FAM107B: variants seen among roughly 807,000 people sequenced by gnomAD.
FAM107B encodes family with sequence similarity 107 member B, also known as protein FAM107B.
FAM107B carries 21 observed loss-of-function variants against 31.5 expected under a neutral mutation model. That is an observed-to-expected ratio of 0.67 (90% CI 0.47 to 0.96). The LOEUF is 0.96. Ranked by LOEUF, FAM107B falls within the 40% of genes least tolerant of loss-of-function variation. FAM107B has a pLI of 0.00. For synonymous variants in FAM107B, 157 were observed against 141.5 expected, an observed-to-expected ratio of 1.11 and a Z score of -0.78; for missense variants, 452 against 377.1, an observed-to-expected ratio of 1.20 and a Z score of -1.64.
Position 14,734,386 on chromosome 10 carries a change from C to T in FAM107B, c.411+39867G>A, listed in dbSNP as rs1458013971. Among the ~76,000 whole-genome samples the T allele has an allele frequency of 2.0e-5, 3 of 152,122 alleles. No homozygotes were observed. In the East Asian group the frequency reaches 5.8e-4, roughly 29 times the overall value. On this transcript the variant is annotated intron_variant, in intron 1 of 4. Transcript: ENST00000181796. ...GAAGCATTTACTAAATCAAGCTTGT[C>T]CAACCTGCAGCCCACAGACCACATG...
intron 2 of FAM107B, among the ~76,000 whole-genome samples, chr10:14,563,349 A>G (rs1404841244): frequency 6.6e-6 from 1 of 152,256 alleles, no homozygotes; most frequent in Admixed American, 6.5e-5. Context: ...ATCATTTAAA[A>G]TATTTATATT....
intron 2 of FAM107B, among the ~76,000 whole-genome samples, chr10:14,593,901 A>T (rs1852096775): frequency 6.6e-6 from 1 of 152,202 alleles, no homozygotes; most frequent in South Asian, 2.1e-4. Context: ...TTAGATATAG[A>T]ACTGTTCGAG....
At chr10:14,667,301 T>C (rs1854427108) in intron 2 of FAM107B, among the ~76,000 whole-genome samples, 1 of 152,234 alleles carries the variant, frequency 6.6e-6, no homozygotes, top group African/African-American at 2.4e-5. Context: ...ATCATAAATA[T>C]TTCAGTAAAT....
At chr10:14,591,523 T>C (rs1384605788) in intron 2 of FAM107B, among the ~76,000 whole-genome samples, 1 of 152,178 alleles carries the variant, frequency 6.6e-6, no homozygotes, top group Non-Finnish European at 1.5e-5. Context: ...AGTTTAAATC[T>C]CATCTCATGC....
chr10:14,759,352 A>G (rs1192753577), intron 1 of FAM107B, among the ~76,000 whole-genome samples: 1 of 152,228 alleles, frequency 6.6e-6, no homozygotes, highest in East Asian at 1.9e-4. Flanking sequence ...TCATTTCAAC[A>G]CTGTCTGCTC....
At chr10:14,767,053 TATAGAGAGAGAGAGAG>T (rs1304992134) in intron 1 of FAM107B, among the ~76,000 whole-genome samples, 26 of 26,392 alleles carry the variant, frequency 9.9e-4, no homozygotes, top group African/African-American at 3.2e-3. Context: ...TATATATATA[TATAGAGAGAGAGAGAG>T]AGAGAGAGAG....
At chr10:14,663,666 G>C (rs925533005) in intron 2 of FAM107B, among the ~76,000 whole-genome samples, 1 of 152,014 alleles carries the variant, frequency 6.6e-6, no homozygotes, top group African/African-American at 2.4e-5. Context: ...ACCTGATTCC[G>C]GGAAAGGCAC....
chr10:14,743,075 G>A (rs1227950590), intron 1 of FAM107B, among the ~76,000 whole-genome samples: 1 of 152,152 alleles, frequency 6.6e-6, no homozygotes, highest in African/African-American at 2.4e-5. Flanking sequence ...ACTGGCATTA[G>A]ATGGTCTCTC....
intron 1 of FAM107B, among the ~76,000 whole-genome samples, chr10:14,710,914 G>T (rs1021505750): frequency 7.4e-5 from 11 of 147,656 alleles, no homozygotes; most frequent in Admixed American, 2.7e-4. Flanking sequence ...TATTATTAAA[G>T]AAATAATTTT....
chr10:14,774,507 G>A lies in FAM107B; in HGVS notation c.157C>T (p.Arg53Cys), dbSNP rs747993027. 4 of 1,614,200 alleles carry A rather than the reference G, an allele frequency of 2.5e-6. No homozygotes were observed. The change falls in exon 1 of 5, where the codon CGT (arginine) becomes TGT (cysteine). Residue 53 changes from arginine (R) to cysteine (C), a missense_variant. Transcript: ENST00000181796. ...SGVADTHSTV[R>C]VQPVAKAGRQ... The stretch of plus-strand genomic sequence containing the variant: ...CCTGCTTTGGCCACAGGCTGCACAC[G>A]GACGGTGGAATGAGTATCAGCCACG...
intron 1 of FAM107B, among the ~76,000 whole-genome samples, chr10:14,682,411 C>A (rs990150573): frequency 6.6e-6 from 1 of 152,284 alleles, no homozygotes; most frequent in South Asian, 2.1e-4. Flanking sequence ...CGCCTGTAGT[C>A]CCAGCTACTC....
intron 1 of FAM107B, among the ~76,000 whole-genome samples, chr10:14,734,488 G>GTTTTTTTTTTTTTTTTT (rs74521923): frequency 7.2e-6 from 1 of 138,546 alleles, no homozygotes. Context: ...TTTTTGTGAG[G>GTTTTTTTTTTTTTTTTT]TTTTTTTTTT....
At chr10:14,721,853 G>A (rs1855919565) in intron 1 of FAM107B, among the ~76,000 whole-genome samples, 1 of 152,122 alleles carries the variant, frequency 6.6e-6, no homozygotes, top group African/African-American at 2.4e-5. Flanking sequence ...AGTTTAATTA[G>A]ATCCCATTTG....
intron 2 of FAM107B, among the ~76,000 whole-genome samples, chr10:14,570,800 T>TAA (rs1431609474): frequency 1.8e-5 from 1 of 56,658 alleles, no homozygotes; most frequent in African/African-American, 4.5e-5. Flanking sequence ...AGACTCCATC[T>TAA]CAAAAAAAAA....
intron 2 of FAM107B, among the ~76,000 whole-genome samples, chr10:14,581,184 A>G (rs1851623791): frequency 6.6e-6 from 1 of 152,212 alleles, no homozygotes; most frequent in Non-Finnish European, 1.5e-5. Context: ...ACAAGAGCTG[A>G]GTAAGAGAGC....
At chr10:14,582,735 C>T (rs1851683676) in intron 2 of FAM107B, among the ~76,000 whole-genome samples, 1 of 151,964 alleles carries the variant, frequency 6.6e-6, no homozygotes, top group African/African-American at 2.4e-5. Context: ...ACTACTCTTA[C>T]ACCAACTTTA....
intron 1 of FAM107B, among the ~76,000 whole-genome samples, chr10:14,685,617 T>C (rs1854965396): frequency 6.6e-6 from 1 of 152,070 alleles, no homozygotes; most frequent in Non-Finnish European, 1.5e-5. Context: ...GTCACTTACA[T>C]AAAGTTCAGA....
At chr10:14,648,910 G>C (rs1219382820) in intron 2 of FAM107B, among the ~76,000 whole-genome samples, 1 of 152,180 alleles carries the variant, frequency 6.6e-6, no homozygotes, top group Non-Finnish European at 1.5e-5. Flanking sequence ...TTCCCCTAAA[G>C]AAGCTTCCTG....
intron 2 of FAM107B, chr10:14,556,289 T>A (rs1021121550): frequency 1.1e-6 from 1 of 945,086 alleles, no homozygotes; most frequent in African/African-American, 1.8e-5. Context: ...TAATTTGATA[T>A]CGGAAATTTA....
Sources: gnomAD v4.1 joint callset for allele counts (sites outside exome capture counted in the v4.1 genomes callset) on GRCh38, gnomAD v4.1.1 for gene constraint, MANE v1.5 for transcripts, NCBI Gene and HGNC (gene_info 2026-07-23, HGNC 2026-07-21) for gene names.